OCIAD2: variants seen among roughly 807,000 people sequenced by gnomAD.
OCIAD2 encodes the protein OCIA domain containing 2.
A neutral mutation model predicts 22.9 loss-of-function variants in OCIAD2; 29 were observed. That is an observed-to-expected ratio of 1.27 (90% CI 0.94 to 1.73). The LOEUF is 1.73. Among genes scored for constraint, OCIAD2 ranks in the 40% most tolerant of loss-of-function variants. The pLI, the probability that OCIAD2 is intolerant of heterozygous loss-of-function variation, is 0.00. For synonymous variants in OCIAD2, 67 were observed against 60.2 expected (o/e 1.11, Z -0.52); for missense variants, 189 against 180.3 (o/e 1.05, Z -0.28).
chr4:48,899,421 A>G (rs573714961), intron 3 of OCIAD2, among the ~76,000 whole-genome samples: 1 of 152,320 alleles, frequency 6.6e-6, no homozygotes, highest in South Asian at 2.1e-4. Context: ...GGAATTTTCT[A>G]TGAACAGGGC....
At chr4:48,887,476 AC>A (rs1207259371) in intron 6 of OCIAD2, among the ~76,000 whole-genome samples, 2 of 152,238 alleles carry the variant, frequency 1.3e-5, no homozygotes, top group Non-Finnish European at 2.9e-5. Flanking sequence ...TTTAGATCTA[AC>A]ATTTAAGTCT....
rs1453237501 is a variant in OCIAD2, at chr4:48,897,823, G to A, written c.198C>T (p.Thr66=). Residue 66 remains threonine, a synonymous_variant, in exon 4 of 7, where the codon ACC becomes ACT. Coordinates refer to ENST00000508632, the MANE Select transcript of OCIAD2 (RefSeq NM_001014446.3). The stretch of plus-strand genomic sequence containing the variant: ...TCTTACCTTGGTAGACTAGTCCCTG[G>A]GTGACAAGCATGCTTACAAGAGAAA... ...LPFSLVSMLV[T]QGLVYQGYLA... is the part of the protein sequence containing the mutation. 4 of 1,611,722 alleles carry A rather than the reference G, an allele frequency of 2.5e-6. 1 individual carries two copies. The South Asian group carries it at 4.4e-5, about 18-fold the overall frequency.
intron 6 of OCIAD2, among the ~76,000 whole-genome samples, chr4:48,888,438 T>A (rs1446829969): frequency 2.6e-5 from 4 of 152,162 alleles, no homozygotes; most frequent in Non-Finnish European, 5.9e-5. Context: ...ATGTTTCCAG[T>A]TTTTTCCCAT....
chr4:48,889,477 A>T (rs1781100977), intron 6 of OCIAD2, among the ~76,000 whole-genome samples: 1 of 152,236 alleles, frequency 6.6e-6, no homozygotes, highest in African/African-American at 2.4e-5. Context: ...AAAAGAAGAC[A>T]TTTATGCAGC....
At chr4:48,886,400 T>C (rs1780988847) in intron 6 of OCIAD2, among the ~76,000 whole-genome samples, 1 of 152,226 alleles carries the variant, frequency 6.6e-6, no homozygotes, top group Admixed American at 6.5e-5. Context: ...TGCAGGTTTG[T>C]TACTTATGTA....
At chr4:48,889,332 A>C (rs573370145) in intron 6 of OCIAD2, among the ~76,000 whole-genome samples, 33 of 152,174 alleles carry the variant, frequency 2.2e-4, no homozygotes, top group Admixed American at 9.8e-4. Context: ...TTATGTCTCT[A>C]TCTCCTGAAA....
At chr4:48,891,102 C>T (rs931005346) in intron 6 of OCIAD2, among the ~76,000 whole-genome samples, 1 of 152,074 alleles carries the variant, frequency 6.6e-6, no homozygotes, top group Non-Finnish European at 1.5e-5. Context: ...CTATTCCTGG[C>T]CCAGAATCCC....
At chr4:48,885,735 C>A (rs1437311511) in intron 6 of OCIAD2, among the ~76,000 whole-genome samples, 170 bp from the exon 7 acceptor site, 1 of 152,092 alleles carries the variant, frequency 6.6e-6, no homozygotes, top group Non-Finnish European at 1.5e-5. Context: ...ATCCTCCCAC[C>A]CAACCCTCTT....
chr4:48,900,993 C>T (rs1425640062), intron 2 of OCIAD2, among the ~76,000 whole-genome samples: 3 of 152,110 alleles, frequency 2.0e-5, no homozygotes, highest in South Asian at 2.1e-4. Flanking sequence ...TTTAATCACT[C>T]GCTCTTGTCC....
intron 2 of OCIAD2, among the ~76,000 whole-genome samples, 167 bp from the exon 3 acceptor site, chr4:48,900,092 G>T (rs928912931): frequency 6.6e-6 from 1 of 152,188 alleles, no homozygotes; most frequent in Admixed American, 6.5e-5. Context: ...TTCTCACTGG[G>T]AACACTGATG....
chr4:48,890,075 G>A (rs1781122094), intron 6 of OCIAD2, among the ~76,000 whole-genome samples: 1 of 138,466 alleles, frequency 7.2e-6, no homozygotes. Context: ...TTGGACACAG[G>A]AAGGGGAACA....
chr4:48,888,836 A>T (rs1283799473), intron 6 of OCIAD2, among the ~76,000 whole-genome samples: 1 of 152,250 alleles, frequency 6.6e-6, no homozygotes, highest in Non-Finnish European at 1.5e-5. Flanking sequence ...TGGTATCAAG[A>T]TGATGTTGGC....
At chr4:48,888,101 T>C (rs1327421837) in intron 6 of OCIAD2, among the ~76,000 whole-genome samples, 3 of 152,228 alleles carry the variant, frequency 2.0e-5, no homozygotes, top group African/African-American at 7.2e-5. Context: ...TTTGAAGCAA[T>C]TGTGATGGGA....
Position 48,886,707 on chromosome 4 carries a change from T to C in OCIAD2, c.384-1142A>G, listed in dbSNP as rs958852801. Among the ~76,000 whole-genome samples, 18 of 152,326 alleles carry C rather than the reference T, an allele frequency of 1.2e-4. No individual in the cohort carries two copies. The East Asian group carries it at 3.1e-3, about 26-fold the overall frequency. On this transcript the variant is annotated intron_variant, in intron 6 of 6. Coordinates refer to ENST00000508632, the MANE Select transcript of OCIAD2 (RefSeq NM_001014446.3). ...TATGGCTGCATAGTATTCCATGGTG[T>C]ATATGTGCCACATTTTCTTAATCCA... is the stretch of plus-strand genomic sequence containing the variant.
intron 6 of OCIAD2, among the ~76,000 whole-genome samples, 184 bp from the exon 7 acceptor site, chr4:48,885,749 T>C (rs1351992358): frequency 6.6e-6 from 1 of 152,092 alleles, no homozygotes; most frequent in Non-Finnish European, 1.5e-5. Flanking sequence ...CCCTCTTGAG[T>C]AGCTGAGACT....
At position 48,885,633 on chromosome 4, in the gene OCIAD2, A is replaced by G. The variant is rs1780963117; in HGVS notation, c.384-68T>C. 3 of 795,292 alleles carry G rather than the reference A, an allele frequency of 3.8e-6. No individual in the cohort carries two copies. In the Admixed American group the frequency reaches 6.2e-5, roughly 17 times the overall value. 49.3% of individuals were successfully genotyped at this position (795,292 alleles called of 1,614,324 possible). On this transcript the variant is annotated intron_variant, in intron 6 of 6. Coordinates refer to ENST00000508632, the MANE Select transcript of OCIAD2 (RefSeq NM_001014446.3). Reference sequence around the variant, plus strand: ...CTGGAAGCCCTAGTCTTTACATAACATATTATTCTTATTATTTTAACATAA... The same window carrying G: ...CTGGAAGCCCTAGTCTTTACATAACGTATTATTCTTATTATTTTAACATAA...
At chr4:48,893,007 T>A (rs1169702681) in intron 5 of OCIAD2, 118 bp from the exon 6 acceptor site, 1 of 608,704 alleles carries the variant, frequency 1.6e-6, no homozygotes, top group Non-Finnish European at 3.0e-6. Context: ...AATCAATGAA[T>A]GAAGACTCTG....
Position 48,892,770 on chromosome 4 carries a change from A to C in OCIAD2, c.383+2T>G, listed in dbSNP as rs1162455185. The C allele has an allele frequency of 6.7e-7, 1 of 1,489,946 alleles. No individual in the cohort carries two copies. Among genetic ancestry groups the C allele is most frequent in the Non-Finnish European group, 9.3e-7 (1 of 1,076,824 alleles). The allele number at this position is 1,489,946 out of a possible 1,614,324, so 92.3% of individuals were successfully genotyped here. A position where few individuals can be genotyped will look rare whatever the true frequency, so the allele number is the denominator to read the frequency against. ...AATCCCTCAACCAAACAGATTACAA[A>C]CCTGTTATGCTGTGGACCAAAACCA... On this transcript the variant is annotated splice_donor_variant, in intron 6 of 6. Transcript: ENST00000508632. LOFTEE classifies it high-confidence loss of function.
chr4:48,894,231 G>A (rs550564982), intron 4 of OCIAD2, among the ~76,000 whole-genome samples, 178 bp from the exon 5 acceptor site: 3 of 151,990 alleles, frequency 2.0e-5, no homozygotes, highest in East Asian at 1.9e-4. Flanking sequence ...AGTCACTTAC[G>A]CCTGTAATCC....
Sources: allele counts gnomAD v4.1 joint callset (sites outside exome capture counted in the v4.1 genomes callset), GRCh38; gene constraint gnomAD v4.1.1; transcripts MANE v1.5; gene names NCBI Gene and HGNC (gene_info 2026-07-23, HGNC 2026-07-21).